Variants in MTAP observed in about 807,000 individuals in gnomAD.
The protein encoded by MTAP is methylthioadenosine phosphorylase, also known as S-methyl-5'-thioadenosine phosphorylase.
Under a neutral mutation model 33.6 loss-of-function variants are expected in MTAP, and 33 were observed. The ratio of observed to expected loss-of-function variants is 0.98; its 90% CI spans 0.74 to 1.31. The LOEUF is 1.31. Among genes scored for constraint, MTAP ranks in the 40% most tolerant of loss-of-function variants. The pLI is 0.00. For synonymous variants in MTAP, 148 were observed against 125.7 expected (o/e 1.18, Z -1.19); for missense variants, 367 against 360.0 (o/e 1.02, Z -0.16).
At chr9:21,826,370 C>G (rs1474929678) in intron 4 of MTAP, among the ~76,000 whole-genome samples, 1 of 151,400 alleles carries the variant, frequency 6.6e-6, no homozygotes, top group East Asian at 1.9e-4. Flanking sequence ...CTTCTTTTTT[C>G]CTTTTCCTTT....
Position 21,863,543 on chromosome 9 carries a change from C to G in MTAP, c.*1529C>G. On this transcript the variant is annotated 3_prime_UTR_variant, in exon 8 of 8. Transcript: ENST00000644715. ...AATGGTGTGAACCTGGGAGGTGGAG[C>G]TTGCAGTGAGCAGAGCTTGCAGTGA... 4.2e-6 allele frequency: 3 copies of G among 708,080 alleles called. No individual in the cohort carries two copies. Among genetic ancestry groups the G allele is most frequent in the Non-Finnish European group, 5.2e-6 (3 of 576,970 alleles). The allele number at this position is 708,080 out of a possible 1,614,324, so 43.9% of individuals were successfully genotyped here.
intron 7 of MTAP, 26 bp from the exon 8 acceptor site, chr9:21,861,950 A>G: frequency 1.5e-6 from 2 of 1,315,030 alleles, no homozygotes; most frequent in South Asian, 1.2e-5. Flanking sequence ...ACATGTGAAT[A>G]TCACTGCCTC....
Position 21,815,299 on chromosome 9 carries a change from T to C in MTAP, c.34-134T>C, listed in dbSNP as rs2282246. On this transcript the variant is annotated intron_variant, in intron 1 of 7. Transcript: ENST00000644715. ...TATTTGTTGATTGATGTTCAGTAAT[T>C]TTCAGATTTCAAAAAAATAACTAGG... The C allele has an allele frequency of 6.7e-5, 39 of 582,144 alleles. No homozygotes were observed. The East Asian group carries it at 1.2e-3, about 18-fold the overall frequency. 36.1% of individuals were successfully genotyped at this position (582,144 alleles called of 1,614,324 possible).
intron 6 of MTAP, among the ~76,000 whole-genome samples, chr9:21,855,246 T>A (rs1825612560): frequency 6.6e-6 from 1 of 152,250 alleles, no homozygotes; most frequent in Non-Finnish European, 1.5e-5. Flanking sequence ...GAGGGCTGTA[T>A]GTTCACATCC....
chr9:21,889,280 T>C (rs1271539143), intron 1 of MTAP, among the ~76,000 whole-genome samples: 1 of 152,156 alleles, frequency 6.6e-6, no homozygotes, highest in Non-Finnish European at 1.5e-5. Flanking sequence ...TTGAATTGTT[T>C]CATCCATATC....
In MTAP at chr9:21,862,936, A is replaced by G. The variant is rs1372010946; in HGVS notation, c.*922A>G. On this transcript the variant is annotated 3_prime_UTR_variant, in exon 8 of 8. Coordinates refer to ENST00000644715, the MANE Select transcript of MTAP (RefSeq NM_002451.4). ...AAAGTTGTTGTAAAAATAAAAGTGG[A>G]TTTAGAAAGATCCAGTTCTTGAAAA... The G allele has an allele frequency of 1.0e-6, 1 of 980,352 alleles. No homozygotes were observed. The highest frequency in any genetic ancestry group is 1.8e-5 in the African/African-American group (1 of 57,084). The allele number at this position is 980,352 out of a possible 1,614,324, so 60.7% of individuals were successfully genotyped here.
At chr9:21,937,516 C>T (rs926203438) in exon 8 of MTAP, 18 of 152,082 alleles carry the variant, frequency 1.2e-4, no homozygotes, top group African/African-American at 4.3e-4. Flanking sequence ...TTTGTGTTTT[C>T]TCAAAATAAT....
At chr9:21,890,971 C>T (rs1216636530) in intron 1 of MTAP, among the ~76,000 whole-genome samples, 2 of 152,148 alleles carry the variant, frequency 1.3e-5, no homozygotes, top group East Asian at 1.9e-4. Flanking sequence ...TTTGTAGCCA[C>T]GATTTTCCCC....
intron 5 of MTAP, among the ~76,000 whole-genome samples, chr9:21,852,178 A>G (rs1377572992): frequency 6.6e-6 from 1 of 152,136 alleles, no homozygotes; most frequent in Non-Finnish European, 1.5e-5. Flanking sequence ...CTCATTTGTA[A>G]GTGGGAGCTA....
chr9:21,871,227 T>A (rs564798960), downstream of MTAP, among the ~76,000 whole-genome samples: 6 of 152,334 alleles, frequency 3.9e-5, no homozygotes, highest in South Asian at 1.2e-3. Flanking sequence ...AAAATTAATT[T>A]CATTTGCTCA....
chr9:21,896,690 T>C (rs1818299633), intron 1 of MTAP, among the ~76,000 whole-genome samples: 1 of 152,146 alleles, frequency 6.6e-6, no homozygotes. Flanking sequence ...CAGGAAGAAG[T>C]TGAATCCCTG....
In MTAP at chr9:21,864,131, T is replaced by C; in HGVS notation, c.*2117T>C. On this transcript the variant is annotated 3_prime_UTR_variant, in exon 8 of 8. Transcript: ENST00000644715. ...CATTTTTCTTGCTATGTTCAGAAAG[T>C]ACAGTTCTCTCCAACTTGCAGAGGT... 1.0e-6 allele frequency: 1 copy of C among 985,464 alleles called. No individual in the cohort carries two copies. Among genetic ancestry groups the C allele is most frequent in the Non-Finnish European group, 1.2e-6 (1 of 829,934 alleles). 61.0% of individuals were successfully genotyped at this position (985,464 alleles called of 1,614,324 possible).
chr9:21,823,481 T>C (rs1227715176), intron 4 of MTAP, among the ~76,000 whole-genome samples: 1 of 152,258 alleles, frequency 6.6e-6, no homozygotes, highest in African/African-American at 2.4e-5. Context: ...CCGAGAGATC[T>C]GCTTTTAGTC....
chr9:21,881,184 A>T (rs541715827), intron 1 of MTAP, among the ~76,000 whole-genome samples: 154 of 152,200 alleles, frequency 1.0e-3, no homozygotes, highest in African/African-American at 3.5e-3. Flanking sequence ...AACAAATGCT[A>T]TTGTGAAAAC....
At chr9:21,908,302 A>G (rs1299670795) in intron 1 of MTAP, among the ~76,000 whole-genome samples, 2 of 152,122 alleles carry the variant, frequency 1.3e-5, no homozygotes, top group Non-Finnish European at 2.9e-5. Flanking sequence ...CAATATTTTT[A>G]TTCCATTCTA....
chr9:21,872,100 G>A (rs112810515), intron 1 of MTAP, among the ~76,000 whole-genome samples: 1 of 152,148 alleles, frequency 6.6e-6, no homozygotes, highest in Non-Finnish European at 1.5e-5. Context: ...ATCACTTGAG[G>A]TCAGGAGTTG....
downstream of MTAP, chr9:21,931,957 G>T (rs1818966345): frequency 6.6e-6 from 1 of 152,204 alleles, no homozygotes; most frequent in African/African-American, 2.4e-5. Flanking sequence ...CTTGAGCCCA[G>T]AAGGTTAAGG....
chr9:21,883,375 A>C (rs956779682), intron 1 of MTAP, among the ~76,000 whole-genome samples: 1 of 152,076 alleles, frequency 6.6e-6, no homozygotes, highest in East Asian at 1.9e-4. Flanking sequence ...AAGTATGACA[A>C]CTCCAAGTTT....
intron 1 of MTAP, among the ~76,000 whole-genome samples, chr9:21,882,340 G>A (rs1818029493): frequency 1.3e-5 from 2 of 151,964 alleles, no homozygotes; most frequent in African/African-American, 2.4e-5. Context: ...GATTAGGTGA[G>A]TTTTGCTACA....
Sources: gnomAD v4.1 joint callset for allele counts (sites outside exome capture counted in the v4.1 genomes callset) on GRCh38, gnomAD v4.1.1 for gene constraint, MANE v1.5 for transcripts, NCBI Gene and HGNC (gene_info 2026-07-23, HGNC 2026-07-21) for gene names.